Variants in SOX6 observed in about 807,000 individuals in gnomAD.
SOX6 encodes the protein transcription factor SOX-6.
SOX6 carries 11 observed loss-of-function variants against 97.8 expected under a neutral mutation model. The observed-to-expected ratio is 0.11, with a 90% CI of 0.07 to 0.19. The LOEUF is 0.19. Ranked by LOEUF, SOX6 falls within the 10% of genes least tolerant of loss-of-function variation. The pLI is 1.00. For synonymous variants in SOX6, 360 were observed against 371.4 expected, an observed-to-expected ratio of 0.97 and a Z score of 0.35; for missense variants, 810 against 1,039.5, an observed-to-expected ratio of 0.78 and a Z score of 3.04.
chr11:16,272,310 G>A (rs1282987207), intron 3 of SOX6, among the ~76,000 whole-genome samples: 1 of 151,478 alleles, frequency 6.6e-6, no homozygotes, highest in Non-Finnish European at 1.5e-5. Context: ...AAAAAAGGGG[G>A]GAAGATGGTC....
intron 4 of SOX6, among the ~76,000 whole-genome samples, chr11:16,495,660 T>G (rs1237817892): frequency 6.6e-6 from 1 of 152,184 alleles, no homozygotes; most frequent in East Asian, 1.9e-4. Flanking sequence ...GTTCCCCCAC[T>G]GCTACTGCCA....
chr11:16,426,934 A>AC (rs1158984128), intron 1 of SOX6, among the ~76,000 whole-genome samples: 2 of 150,890 alleles, frequency 1.3e-5, no homozygotes, highest in African/African-American at 4.9e-5. Flanking sequence ...AAAAAAAAAA[A>AC]AACTGGATCC....
At chr11:16,338,012 C>A (rs1284614452) in intron 2 of SOX6, among the ~76,000 whole-genome samples, 3 of 151,966 alleles carry the variant, frequency 2.0e-5, no homozygotes, top group African/African-American at 4.8e-5. Flanking sequence ...GTGGTCATGA[C>A]ATTTCAAAGT....
intron 4 of SOX6, among the ~76,000 whole-genome samples, chr11:16,528,831 A>G (rs1048709252): frequency 2.6e-5 from 4 of 152,132 alleles, no homozygotes; most frequent in Admixed American, 1.3e-4. Flanking sequence ...CTGATTTCAC[A>G]GGCCATAAGA....
At chr11:16,434,937 AAC>A (rs1396843573) in intron 1 of SOX6, among the ~76,000 whole-genome samples, 4 of 152,180 alleles carry the variant, frequency 2.6e-5, no homozygotes, top group Non-Finnish European at 5.9e-5. Flanking sequence ...ATTCAATAAT[AAC>A]AGTCTAACTT....
At chr11:15,982,238 A>G (rs1853677853) in intron 15 of SOX6, among the ~76,000 whole-genome samples, 1 of 152,002 alleles carries the variant, frequency 6.6e-6, no homozygotes, top group South Asian at 2.1e-4. Flanking sequence ...CAGCTCGGCC[A>G]TTTACTAGCT....
chr11:16,245,197 G>T (rs75172692), intron 3 of SOX6, among the ~76,000 whole-genome samples: 3,725 of 151,566 alleles, frequency 0.025, 67 homozygotes, highest in Middle Eastern at 0.061. Context: ...TTGGTAAGTG[G>T]TTTATTTAGA....
rs993703625 is a variant in SOX6, at chr11:15,969,639, G to T, written c.*3170C>A. The T allele has an allele frequency of 5.3e-5, 8 of 151,716 alleles. No individual in the cohort carries two copies. Among genetic ancestry groups the T allele is most frequent in the African/African-American group, 1.9e-4 (8 of 41,264 alleles). The allele number at this position is 151,716 out of a possible 1,614,324, so 9.4% of individuals were successfully genotyped here. ...AACATCTATGGATAGAGAACAAAAA[G>T]GAAATACATAACTTATATCTCACTA... On this transcript the variant is annotated 3_prime_UTR_variant, in exon 16 of 16. Coordinates refer to ENST00000683767, the MANE Select transcript of SOX6 (RefSeq NM_001367873.1).
At chr11:16,054,518 C>T (rs1399237682) in intron 10 of SOX6, among the ~76,000 whole-genome samples, 1 of 152,120 alleles carries the variant, frequency 6.6e-6, no homozygotes, top group Non-Finnish European at 1.5e-5. Context: ...GGAACATAGA[C>T]TACTTCTCTT....
intron 1 of SOX6, among the ~76,000 whole-genome samples, chr11:16,431,461 T>C (rs1859270924): frequency 6.6e-6 from 1 of 152,170 alleles, no homozygotes; most frequent in South Asian, 2.1e-4. Context: ...AACAAAATTT[T>C]TGAAGTTCTG....
chr11:16,148,369 G>T (rs1175661353), intron 6 of SOX6, among the ~76,000 whole-genome samples: 2 of 152,088 alleles, frequency 1.3e-5, no homozygotes, highest in African/African-American at 4.8e-5. Flanking sequence ...AACAGACCCT[G>T]CTCTGTTGTC....
At chr11:16,146,826 C>T (rs569490559) in intron 6 of SOX6, among the ~76,000 whole-genome samples, 141 of 152,064 alleles carry the variant, frequency 9.3e-4, no homozygotes, top group Non-Finnish European at 1.4e-3. Flanking sequence ...CCAGTTAGAA[C>T]GGTGATCATT....
chr11:16,132,317 AGGAAGGAAGGAAG>A (rs1849775430), intron 6 of SOX6, among the ~76,000 whole-genome samples: 8 of 125,366 alleles, frequency 6.4e-5, no homozygotes, highest in East Asian at 2.2e-4. Context: ...GAAGGAAGGA[AGGAAGGAAGGAAG>A]GAAAGAAAAA....
chr11:16,295,846 G>A (rs943787902), intron 3 of SOX6, among the ~76,000 whole-genome samples: 48 of 152,148 alleles, frequency 3.2e-4, no homozygotes, highest in African/African-American at 1.1e-3. Flanking sequence ...GTAAATTCCA[G>A]GGGGTCACAA....
intron 10 of SOX6, among the ~76,000 whole-genome samples, chr11:16,050,865 C>A (rs1162011214): frequency 6.6e-6 from 1 of 152,080 alleles, no homozygotes. Context: ...TTAAGATCTG[C>A]ATTATTGTGT....
At chr11:16,338,769 T>C (rs1856541526) in intron 2 of SOX6, among the ~76,000 whole-genome samples, 1 of 152,052 alleles carries the variant, frequency 6.6e-6, no homozygotes, top group South Asian at 2.1e-4. Context: ...AACTTATTTG[T>C]ACCATTAAAC....
intron 4 of SOX6, among the ~76,000 whole-genome samples, chr11:16,500,912 C>A (rs2133142799): frequency 6.6e-6 from 1 of 152,190 alleles, no homozygotes; most frequent in African/African-American, 2.4e-5. Flanking sequence ...TCAATGCTAT[C>A]CCCATCAAGC....
intron 3 of SOX6, among the ~76,000 whole-genome samples, chr11:16,640,351 G>A (rs1220135304): frequency 1.3e-5 from 2 of 152,180 alleles, no homozygotes; most frequent in Admixed American, 1.3e-4. Flanking sequence ...TGTTCATCAG[G>A]GATATTGGTC....
chr11:16,092,050 A>C (rs1848702052), intron 9 of SOX6, among the ~76,000 whole-genome samples: 1 of 152,020 alleles, frequency 6.6e-6, no homozygotes, highest in South Asian at 2.1e-4. Flanking sequence ...GAGTGAAATT[A>C]CTTGTCTTGG....
Sources: gnomAD v4.1 joint callset for allele counts (sites outside exome capture counted in the v4.1 genomes callset) on GRCh38, gnomAD v4.1.1 for gene constraint, MANE v1.5 for transcripts, NCBI Gene and HGNC (gene_info 2026-07-23, HGNC 2026-07-21) for gene names.